DNER: variants seen among roughly 807,000 people sequenced by gnomAD.
DNER encodes delta/notch like EGF repeat containing.
DNER carries 33 observed loss-of-function variants against 78.2 expected under a neutral mutation model. The observed-to-expected ratio is 0.42, with a 90% confidence interval of 0.32 to 0.56. DNER has a LOEUF of 0.56. Among genes scored for constraint, DNER ranks in the 20% least tolerant of loss-of-function variants. The probability of loss-of-function intolerance (pLI) is 0.11; values close to 1 mark genes in which losing one functional copy is unlikely to be tolerated. For missense variants in DNER, 918 were observed against 975.3 expected (o/e 0.94, Z 0.78); for synonymous variants, 417 against 384.8 (o/e 1.08, Z -0.98).
In DNER at chr2:229,407,356, A is replaced by AC. The variant is rs1478750243; in HGVS notation, c.1610-12dup. ...ATTCACAGTGTGTTCCTGCAGAGAA[A>AC]CAAGCAAAACAGGATGACTCATCCA... On this transcript the variant is annotated splice_polypyrimidine_tract_variant and intron_variant, in intron 9 of 12. Transcript: ENST00000341772. 6 of 1,609,248 alleles carry AC rather than the reference A, an allele frequency of 3.7e-6. No homozygotes were observed. The highest frequency in any genetic ancestry group is 5.1e-6 in the Non-Finnish European group (6 of 1,176,242).
chr2:229,443,720 A>G (rs554847117), intron 8 of DNER, among the ~76,000 whole-genome samples: 88 of 152,324 alleles, frequency 5.8e-4, no homozygotes, highest in Non-Finnish European at 1.1e-3. Flanking sequence ...CTCTCTGTAA[A>G]GAAGATCAGC....
At chr2:229,698,425 A>G (rs900549810) in intron 1 of DNER, among the ~76,000 whole-genome samples, 1 of 152,186 alleles carries the variant, frequency 6.6e-6, no homozygotes, top group Non-Finnish European at 1.5e-5. Context: ...TAGGAGAAAA[A>G]GCTCTTGACT....
At chr2:229,713,863 T>C (rs1485732672) in intron 1 of DNER, among the ~76,000 whole-genome samples, 3 of 151,636 alleles carry the variant, frequency 2.0e-5, no homozygotes, top group African/African-American at 7.3e-5. Flanking sequence ...CGCCACTCAG[T>C]GGCCAACCGG....
At chr2:229,615,656 G>C (rs1449438479) in intron 1 of DNER, among the ~76,000 whole-genome samples, 2 of 152,154 alleles carry the variant, frequency 1.3e-5, no homozygotes, top group African/African-American at 4.8e-5. Flanking sequence ...AGCTTGCAGT[G>C]AGCAGAGACC....
chr2:229,650,072 CAAA>C (rs34030074), intron 1 of DNER, among the ~76,000 whole-genome samples: 13 of 93,132 alleles, frequency 1.4e-4, no homozygotes, highest in Admixed American at 2.5e-4. Context: ...AAGACTCCGT[CAAA>C]AAAAAAAAAA....
At chr2:229,666,289 G>A (rs558650032) in intron 1 of DNER, among the ~76,000 whole-genome samples, 2 of 152,192 alleles carry the variant, frequency 1.3e-5, no homozygotes, top group South Asian at 4.1e-4. Context: ...GGACACTCTA[G>A]AACAAATCAT....
intron 1 of DNER, among the ~76,000 whole-genome samples, chr2:229,639,384 A>G (rs1195449457): frequency 1.3e-5 from 2 of 152,192 alleles, no homozygotes; most frequent in Middle Eastern, 3.4e-3. Context: ...CCTCCTGAGT[A>G]GCTGGGATTA....
chr2:229,567,403 T>C (rs980968349), intron 4 of DNER, among the ~76,000 whole-genome samples: 8 of 152,160 alleles, frequency 5.3e-5, no homozygotes, highest in Non-Finnish European at 1.2e-4. Flanking sequence ...GAAGGAGGAA[T>C]ATGTGAACAC....
intron 7 of DNER, among the ~76,000 whole-genome samples, chr2:229,476,800 T>A (rs1374075695): frequency 7.0e-6 from 1 of 142,518 alleles, no homozygotes; most frequent in Non-Finnish European, 1.6e-5. Flanking sequence ...GTGAACTTTG[T>A]GTTGAATTTT....
chr2:229,376,266 G>A (rs1004501186), intron 11 of DNER, among the ~76,000 whole-genome samples: 1 of 152,118 alleles, frequency 6.6e-6, no homozygotes, highest in Admixed American at 6.5e-5. Flanking sequence ...CTGCCTTCAT[G>A]AACTAGGTTA....
At position 229,600,149 on chromosome 2, in the gene DNER, T is replaced by C. The variant is rs76381841; in HGVS notation, c.277-8261A>G. Among the ~76,000 whole-genome samples, 286 of 152,344 alleles carry C rather than the reference T, an allele frequency of 1.9e-3. 5 individuals are homozygous for C. In the East Asian group the frequency reaches 0.05, roughly 27 times the overall value. ...CCCAAAACCAAAATTTAGAAATTGT[T>C]AGTACAAATTAGAGGTTGGCAAATC... On this transcript the variant is annotated intron_variant, in intron 1 of 12. Transcript: ENST00000341772.
intron 1 of DNER, among the ~76,000 whole-genome samples, chr2:229,651,517 T>C (rs1037008934): frequency 6.6e-6 from 1 of 152,132 alleles, no homozygotes; most frequent in Non-Finnish European, 1.5e-5. Flanking sequence ...GAAAGCAGAA[T>C]TGCAGGACAG....
intron 8 of DNER, among the ~76,000 whole-genome samples, chr2:229,420,772 G>A (rs773584441): frequency 6.6e-6 from 1 of 152,162 alleles, no homozygotes; most frequent in Non-Finnish European, 1.5e-5. Flanking sequence ...AAAATAACAA[G>A]TGTTGGGGCA....
At chr2:229,398,989 GAATGCTT>G (rs1224991371) in intron 10 of DNER, among the ~76,000 whole-genome samples, 1 of 151,952 alleles carries the variant, frequency 6.6e-6, no homozygotes, top group African/African-American at 2.4e-5. Context: ...GTGAAAGACT[GAATGCTT>G]TTCCCCTAAT....
intron 1 of DNER, among the ~76,000 whole-genome samples, chr2:229,706,901 T>G (rs960758538): frequency 6.6e-6 from 1 of 152,206 alleles, no homozygotes. Flanking sequence ...TTTTGATTTT[T>G]TTTTGACCAC....
rs55841755 is a variant in DNER, at chr2:229,651,378, G to A, written c.277-59490C>T. 7.7e-3 allele frequency among the ~76,000 whole-genome samples: 1,166 copies of A among 152,340 alleles called. 5 individuals carry two copies. Among genetic ancestry groups the A allele is most frequent in the Middle Eastern group, 0.031 (9 of 294 alleles). Reference sequence around the variant, plus strand: ...AGACAGGAGGAAAGTCTTCTGAGTCGTCGATGTTTTCCTATGGTTCTCAGA... The same window carrying A: ...AGACAGGAGGAAAGTCTTCTGAGTCATCGATGTTTTCCTATGGTTCTCAGA... On this transcript the variant is annotated intron_variant, in intron 1 of 12. Transcript: ENST00000341772.
intron 11 of DNER, among the ~76,000 whole-genome samples, chr2:229,369,438 A>G (rs560060359): frequency 1.3e-5 from 2 of 152,024 alleles, no homozygotes; most frequent in South Asian, 2.1e-4. Context: ...AAAAGTTTCA[A>G]CTTTCTAAAA....
At chr2:229,669,927 A>G (rs1229506746) in intron 1 of DNER, among the ~76,000 whole-genome samples, 1 of 152,220 alleles carries the variant, frequency 6.6e-6, no homozygotes, top group Non-Finnish European at 1.5e-5. Context: ...GGAATTGTCC[A>G]TTCCAGAGTG....
At chr2:229,421,796 A>T (rs191635167) in intron 8 of DNER, among the ~76,000 whole-genome samples, 101 of 152,154 alleles carry the variant, frequency 6.6e-4, no homozygotes, top group Non-Finnish European at 1.3e-3. Flanking sequence ...GCACCTTTTC[A>T]ATTGCATTTG....
Sources: allele counts gnomAD v4.1 joint callset (sites outside exome capture counted in the v4.1 genomes callset), GRCh38; gene constraint gnomAD v4.1.1; transcripts MANE v1.5; gene names NCBI Gene and HGNC (gene_info 2026-07-23, HGNC 2026-07-21).